HCN4: variants seen among roughly 807,000 people sequenced by gnomAD.
The protein encoded by HCN4 is hyperpolarization activated cyclic nucleotide gated potassium channel 4.
In HCN4, 29 loss-of-function variants were observed where a neutral mutation model predicts 76.9. That is an observed-to-expected ratio of 0.38 (90% CI 0.28 to 0.51). The LOEUF is 0.51. Among genes scored for constraint, HCN4 ranks in the 20% least tolerant of loss-of-function variants. The pLI, the probability that HCN4 is intolerant of heterozygous loss-of-function variation, is 0.90. For missense variants in HCN4, 1,416 were observed against 1,715.2 expected (o/e 0.83, Z 3.08); for synonymous variants, 772 against 762.5 (o/e 1.01, Z -0.21).
intron 1 of HCN4, among the ~76,000 whole-genome samples, chr15:73,347,831 C>A (rs1351111243): frequency 6.6e-6 from 1 of 152,166 alleles, no homozygotes; most frequent in Non-Finnish European, 1.5e-5. Context: ...TCCAGAGGAT[C>A]CTCCTCCAGC....
rs1060500107 is a variant in HCN4 at position 73,329,692 on chromosome 15, C to T, written c.1471G>A (p.Asp491Asn). 3 of 1,614,188 alleles carry T rather than the reference C, an allele frequency of 1.9e-6. No homozygotes were observed. Among genetic ancestry groups the T allele is most frequent in the East Asian group, 2.2e-5 (1 of 44,874 alleles). The part of the protein sequence containing the change: ...YGRQAPVGMS[D>N]VWLTMLSMIV... ...ATGCTGAGCATGGTGAGCCAGACGT[C>T]GGACATGCCCACGGGCGCCTGCCGC... Residue 491 changes from aspartate to asparagine, a missense_variant, in exon 4 of 8, where the codon GAC (aspartate) becomes AAC (asparagine). By Grantham distance (23) the Asp-to-Asn change is conservative. Transcript: ENST00000261917.
Position 73,368,235 on chromosome 15 carries a change from G to C in HCN4, c.36C>G (p.Leu12=), listed in dbSNP as rs201193660. The part of the protein sequence containing the change: ...DKLPPSMRKR[L]YSLPQQVGAK... ...CCCCCACCTGCTGCGGGAGGCTGTAGAGCCGCTTGCGCATGGACGGCGGCA... is the reference window on the plus strand; with the variant it reads ...CCCCCACCTGCTGCGGGAGGCTGTACAGCCGCTTGCGCATGGACGGCGGCA... Residue 12 remains leucine, a synonymous_variant, in exon 1 of 8, where the codon CTC becomes CTG. Transcript: ENST00000261917. The surrounding 1 kb of genome is among the most constrained non-coding windows in gnomAD (Gnocchi z 6.9). 7.5e-3 allele frequency: 11,309 copies of C among 1,515,162 alleles called. 64 individuals are homozygous for C. Among genetic ancestry groups the C allele is most frequent in the Non-Finnish European group, 8.2e-3 (9,332 of 1,134,130 alleles). The allele number at this position is 1,515,162 out of a possible 1,614,324, so 93.9% of individuals were successfully genotyped here.
intron 3 of HCN4, among the ~76,000 whole-genome samples, chr15:73,330,455 C>T (rs2042926183): frequency 6.6e-6 from 1 of 152,170 alleles, no homozygotes; most frequent in Non-Finnish European, 1.5e-5. Context: ...CAAAGCCAGT[C>T]GGTGTCTCAA....
At chr15:73,354,403 G>A (rs376357916) in intron 1 of HCN4, among the ~76,000 whole-genome samples, 3 of 152,144 alleles carry the variant, frequency 2.0e-5, no homozygotes, top group Admixed American at 6.5e-5. Flanking sequence ...ACAGCACGGC[G>A]CCCCTCACAC....
chr15:73,366,531 TA>T (rs1444860279), intron 1 of HCN4, among the ~76,000 whole-genome samples: 2 of 152,140 alleles, frequency 1.3e-5, no homozygotes, highest in Non-Finnish European at 2.9e-5. Context: ...GACCTTGACT[TA>T]GGTAAAGGCA....
At chr15:73,357,946 C>T (rs911182009) in intron 1 of HCN4, among the ~76,000 whole-genome samples, 1 of 152,206 alleles carries the variant, frequency 6.6e-6, no homozygotes, top group Non-Finnish European at 1.5e-5. Flanking sequence ...AGCACTGTCC[C>T]TGCCCTGCTG....
intron 1 of HCN4, among the ~76,000 whole-genome samples, chr15:73,351,893 G>A (rs138509246): frequency 2.5e-4 from 38 of 152,206 alleles, no homozygotes; most frequent in Non-Finnish European, 4.1e-4. Context: ...TGTCCCCAAC[G>A]CATGGTGCTT....
Position 73,367,714 on chromosome 15 carries a change from G to A in HCN4, c.557C>T (p.Thr186Ile). 1.3e-6 allele frequency: 2 copies of A among 1,597,484 alleles called. No individual in the cohort carries two copies. The highest frequency in any genetic ancestry group is 2.2e-5 in the South Asian group (2 of 90,864). Residue 186 changes from threonine (T) to isoleucine (I), a missense_variant, in exon 1 of 8, where the codon ACC (threonine) becomes ATC (isoleucine). Around this residue, in one of 6 missense-constraint regions of HCN4, gnomAD observed 355 missense variants for 347.8 expected, o/e 1.02. Coordinates refer to ENST00000261917, the MANE Select transcript of HCN4 (RefSeq NM_005477.3). The surrounding 1 kb of genome is among the most constrained non-coding windows in gnomAD (Gnocchi z 7.5). ...SASCEQPSVDTAIKVEGGAAA... is the reference protein window; with the variant it reads ...SASCEQPSVDIAIKVEGGAAA... The stretch of plus-strand genomic sequence containing the variant: ...CGCGCCTCCCTCCACTTTGATAGCG[G>A]TGTCCACCGAGGGCTGCTCGCAGGA...
intron 1 of HCN4, among the ~76,000 whole-genome samples, chr15:73,359,135 T>G (rs1256527497): frequency 6.6e-6 from 1 of 152,194 alleles, no homozygotes; most frequent in Non-Finnish European, 1.5e-5. Flanking sequence ...CAGCCAATTA[T>G]CAGGCCCCCG....
intron 1 of HCN4, among the ~76,000 whole-genome samples, chr15:73,352,978 T>C (rs1043962097): frequency 2.6e-5 from 4 of 151,880 alleles, no homozygotes; most frequent in African/African-American, 9.7e-5. Context: ...AGTAACATTA[T>C]CTTATTGTTA....
At chr15:73,346,965 A>G (rs2043032643) in intron 1 of HCN4, among the ~76,000 whole-genome samples, 1 of 152,104 alleles carries the variant, frequency 6.6e-6, no homozygotes, top group Non-Finnish European at 1.5e-5. Flanking sequence ...TAGCCAGGGG[A>G]AGGTGGCAAC....
At chr15:73,363,395 TG>T (rs1015567660) in intron 1 of HCN4, among the ~76,000 whole-genome samples, 9 of 152,206 alleles carry the variant, frequency 5.9e-5, no homozygotes, top group African/African-American at 2.2e-4. Flanking sequence ...GCCCTGTTTT[TG>T]TTTCCATCCT....
chr15:73,367,881 C>T lies in HCN4; in HGVS notation c.390G>A (p.Arg130=). Residue 130 remains arginine, a synonymous_variant, in exon 1 of 8, where the codon CGG becomes CGA. Coordinates refer to ENST00000261917, the MANE Select transcript of HCN4 (RefSeq NM_005477.3). This position sits in a 1 kb window ranked among gnomAD's most constrained non-coding sequence, Gnocchi z 7.5. ...GGGACGCGTCGCCCTCGGCGATGAG[C>T]CGCCGCTCCTCCGCGGAGTCATGCA... ...GHLHDSAEER[R]LIAEGDASPG... 7.4e-7 allele frequency: 1 copy of T among 1,356,484 alleles called. No individual in the cohort carries two copies. The highest frequency in any genetic ancestry group is 1.9e-5 in the South Asian group (1 of 53,388). The allele number at this position is 1,356,484 out of a possible 1,614,324, so 84.0% of individuals were successfully genotyped here. A position where few individuals can be genotyped will look rare whatever the true frequency, so the allele number is the denominator to read the frequency against.
Position 73,323,913 on chromosome 15 carries a change from T to G in HCN4, c.2180A>C (p.His727Pro). ...GTTGAAGACGCCGGAGTTGAGGTCG[T>G]GCTGGACTTTGTGGAGGAGGATGGA... ...KNSILLHKVQ[H>P]DLNSGVFNYQ... Residue 727 changes from histidine to proline, a missense_variant, in exon 8 of 8, where the codon CAC becomes CCC. Around this residue, in one of 6 missense-constraint regions of HCN4, gnomAD observed 241 missense variants for 379.4 expected, o/e 0.64. Transcript: ENST00000261917. The G allele has an allele frequency of 1.2e-6, 2 of 1,603,960 alleles. No individual in the cohort carries two copies. The highest frequency in any genetic ancestry group is 1.7e-6 in the Non-Finnish European group (2 of 1,179,932).
rs780413757 is a variant in HCN4, at chr15:73,322,972, C to T, written c.3121G>A (p.Ala1041Thr). 7.0e-7 allele frequency: 1 copy of T among 1,423,480 alleles called. No individual in the cohort carries two copies. The highest frequency in any genetic ancestry group is 9.2e-7 in the Non-Finnish European group (1 of 1,082,996). The allele number at this position is 1,423,480 out of a possible 1,614,324, so 88.2% of individuals were successfully genotyped here. A position where few individuals can be genotyped will look rare whatever the true frequency, so the allele number is the denominator to read the frequency against. The change falls in exon 8 of 8, where the codon GCC (alanine) becomes ACC (threonine). Residue 1041 changes from alanine (A) to threonine (T), a missense_variant. Coordinates refer to ENST00000261917, the MANE Select transcript of HCN4 (RefSeq NM_005477.3). ...SPGPPRTFPSAPPRASGSHGS... is the reference protein window; with the variant it reads ...SPGPPRTFPSTPPRASGSHGS... ...TGGGAGCCAGAGGCCCGGGGCGGGG[C>T]ACTCGGGAAGGTTCTTGGGGGGCCT...
intron 1 of HCN4, among the ~76,000 whole-genome samples, chr15:73,366,185 AGGGGGGAG>A (rs2043127409): frequency 6.6e-6 from 1 of 152,070 alleles, no homozygotes; most frequent in Non-Finnish European, 1.5e-5. Context: ...AAAGGAAAAA[AGGGGGGAG>A]GGGCTCTGTT....
chr15:73,329,876 C>T, intron 3 of HCN4, 85 bp from the exon 4 acceptor site: 1 of 1,131,466 alleles, frequency 8.8e-7, no homozygotes, highest in Non-Finnish European at 1.3e-6. Context: ...ACCTCCTCAC[C>T]TCAACCTAAC....
rs757479915 is a variant in HCN4 at position 73,343,891 on chromosome 15, AT to A, written c.786-84del. ...AAGGGAGGAAGATCTGAGGGACAGC[AT>A]CTGGGACAGAGAAGTCTTGGGAGGT... is the stretch of plus-strand genomic sequence containing the variant. On this transcript the variant is annotated intron_variant, in intron 1 of 7. Coordinates refer to ENST00000261917, the MANE Select transcript of HCN4 (RefSeq NM_005477.3). The surrounding 1 kb of genome is among the most constrained non-coding windows in gnomAD (Gnocchi z 5.7). 15 of 1,440,044 alleles carry A rather than the reference AT, an allele frequency of 1.0e-5. No homozygotes were observed. Among genetic ancestry groups the A allele is most frequent in the African/African-American group, 1.4e-5 (1 of 71,582 alleles). 89.2% of individuals were successfully genotyped at this position (1,440,044 alleles called of 1,614,324 possible). A position where few individuals can be genotyped will look rare whatever the true frequency, so the allele number is the denominator to read the frequency against.
At position 73,322,384 on chromosome 15, in the gene HCN4, TTATTACTGTTATTGG is replaced by T. The variant is rs2042864622; in HGVS notation, c.*82_*96del. 1.0e-6 allele frequency: 1 copy of T among 994,862 alleles called. No homozygotes were observed. Among genetic ancestry groups the T allele is most frequent in the Non-Finnish European group, 1.6e-6 (1 of 641,426 alleles). The allele number at this position is 994,862 out of a possible 1,614,324, so 61.6% of individuals were successfully genotyped here. A position where few individuals can be genotyped will look rare whatever the true frequency, so the allele number is the denominator to read the frequency against. Reference sequence around the variant, plus strand: ...CTGGTGTGTGTGGTTTTTTAAATAATTATTACTGTTATTGGTATATCTCCTAATCACAGTTAAACC... The same window carrying T: ...CTGGTGTGTGTGGTTTTTTAAATAATTATATCTCCTAATCACAGTTAAACC... On this transcript the variant is annotated 3_prime_UTR_variant, in exon 8 of 8. Transcript: ENST00000261917.
Sources: gnomAD v4.1 joint callset for allele counts (sites outside exome capture counted in the v4.1 genomes callset) on GRCh38, gnomAD v4.1.1 for gene constraint, gnomAD v4.1.1 regional missense constraint, Gnocchi (gnomAD v3.1) non-coding constraint, MANE v1.5 for transcripts, NCBI Gene and HGNC (gene_info 2026-07-23, HGNC 2026-07-21) for gene names.